The following FRMD4B variants were observed in gnomAD, a reference collection of about 807,000 sequenced individuals.
The protein encoded by FRMD4B is FERM domain containing 4B, also known as FERM domain-containing protein 4B.
FRMD4B carries 74 observed loss-of-function variants against 141.5 expected under a neutral mutation model. The ratio of observed to expected loss-of-function variants is 0.52; its 90% CI spans 0.43 to 0.63. The LOEUF (loss-of-function observed/expected upper bound fraction) is 0.63. Ranked by LOEUF, FRMD4B falls within the 30% of genes least tolerant of loss-of-function variation. The pLI is 0.00. For missense variants in FRMD4B, 1,366 were observed against 1,253.4 expected (o/e 1.09, Z -1.36); for synonymous variants, 506 against 467.9 (o/e 1.08, Z -1.05).
At chr3:69,494,162 G>A (rs367961503) in intron 1 of FRMD4B, among the ~76,000 whole-genome samples, 2 of 152,340 alleles carry the variant, frequency 1.3e-5, no homozygotes, top group East Asian at 1.9e-4. Flanking sequence ...TTATAGGCAT[G>A]AGCCACAGCA....
rs58549516 is a variant in FRMD4B, at chr3:69,256,113, T to TG, written c.502-6015dup. On this transcript the variant is annotated intron_variant, in intron 5 of 22. Transcript: ENST00000398540. ...CCTGTCCTTAAAAAAAATAAAAGGT[T>TG]GGGGGGGAGGGACTATTTGGATGCT... is the stretch of plus-strand genomic sequence containing the variant. Among the ~76,000 whole-genome samples, 275 of 151,194 alleles carry TG rather than the reference T, an allele frequency of 1.8e-3. 1 individual carries two copies. The highest frequency in any genetic ancestry group is 6.4e-3 in the African/African-American group (264 of 41,170).
chr3:69,536,126 G>A, intron 1 of FRMD4B: 1 of 489,542 alleles, frequency 2.0e-6, no homozygotes, highest in South Asian at 2.0e-5. Context: ...CTCTGTGGCT[G>A]CACCTGGCTT....
chr3:69,385,995 C>T lies in FRMD4B; in HGVS notation c.-6G>A. ...CACATGAACACCGAAGCCATGCCTCCTCCTTCGCTCTGAACCCGGGCGTCC... is the reference window on the plus strand; with the variant it reads ...CACATGAACACCGAAGCCATGCCTCTTCCTTCGCTCTGAACCCGGGCGTCC... On this transcript the variant is annotated 5_prime_UTR_variant, in exon 1 of 23. Coordinates refer to ENST00000398540, the MANE Select transcript of FRMD4B (RefSeq NM_015123.3). 1.3e-6 allele frequency: 2 copies of T among 1,576,878 alleles called. No individual in the cohort carries two copies. Among genetic ancestry groups the T allele is most frequent in the Non-Finnish European group, 1.7e-6 (2 of 1,157,854 alleles).
chr3:69,241,889 AAC>A (rs2093387202), intron 7 of FRMD4B, among the ~76,000 whole-genome samples: 1 of 151,644 alleles, frequency 6.6e-6, no homozygotes, highest in African/African-American at 2.4e-5. Context: ...AACAAAACAA[AAC>A]AAAACAAAAA....
At position 69,198,753 on chromosome 3, in the gene FRMD4B, C is replaced by T. The variant is rs1456870715; in HGVS notation, c.898G>A (p.Glu300Lys). Residue 300 changes from glutamate to lysine, a missense_variant, in exon 12 of 23, where the codon GAG (glutamate) becomes AAG (lysine). Transcript: ENST00000398540. ...TTTTTCTCACGGAAATATAAGTTCT[C>T]CAGCTGTTTCCATTGGAATAACTAA... Reference protein sequence around the residue: ...PRKLFQWKQLENLYFREKKFA... With the variant: ...PRKLFQWKQLKNLYFREKKFA... 1 of 1,546,340 alleles carries T rather than the reference C, an allele frequency of 6.5e-7. No individual in the cohort carries two copies. The highest frequency in any genetic ancestry group is 1.4e-5 in the African/African-American group (1 of 73,822).
chr3:69,495,647 G>A (rs1706370560), intron 1 of FRMD4B, among the ~76,000 whole-genome samples: 1 of 152,084 alleles, frequency 6.6e-6, no homozygotes, highest in African/African-American at 2.4e-5. Flanking sequence ...CTGTAAAATG[G>A]GCATAATTAA....
intron 8 of FRMD4B, among the ~76,000 whole-genome samples, 183 bp downstream of exon 8, chr3:69,224,424 T>C (rs1400505802): frequency 1.3e-5 from 2 of 152,196 alleles, no homozygotes; most frequent in African/African-American, 4.8e-5. Flanking sequence ...GGTACAATGA[T>C]CTCCAGTAAG....
chr3:69,312,156 A>G (rs942897558), intron 2 of FRMD4B, among the ~76,000 whole-genome samples: 2 of 152,210 alleles, frequency 1.3e-5, no homozygotes, highest in Non-Finnish European at 1.5e-5. Flanking sequence ...GCTGAGAAGA[A>G]GCATGGGCTT....
intron 5 of FRMD4B, among the ~76,000 whole-genome samples, chr3:69,279,781 T>TCTCCTC (rs144074081): frequency 1.4e-5 from 1 of 72,338 alleles, no homozygotes; most frequent in Non-Finnish European, 2.6e-5. Context: ...CCCCTCCTCC[T>TCTCCTC]CTCCTCCTCC....
chr3:69,450,685 C>T (rs1275979157), intron 1 of FRMD4B, among the ~76,000 whole-genome samples: 2 of 152,134 alleles, frequency 1.3e-5, no homozygotes, highest in East Asian at 1.9e-4. Context: ...ACCCAGGAGG[C>T]GGAAGTTGCA....
At chr3:69,234,668 AACAGTGAT>A (rs1223079995) in intron 7 of FRMD4B, among the ~76,000 whole-genome samples, 3 of 152,206 alleles carry the variant, frequency 2.0e-5, no homozygotes, top group Non-Finnish European at 4.4e-5. Context: ...AACAAAAGAA[AACAGTGAT>A]TATCATTGTA....
chr3:69,295,335 A>G (rs1701002742), intron 4 of FRMD4B, among the ~76,000 whole-genome samples: 1 of 152,150 alleles, frequency 6.6e-6, no homozygotes, highest in Non-Finnish European at 1.5e-5. Context: ...GTTATTGTTT[A>G]TTTTGAGACA....
intron 5 of FRMD4B, chr3:69,250,322 T>TGTG: frequency 1.4e-5 from 7 of 486,502 alleles, no homozygotes; most frequent in Admixed American, 3.6e-5. Context: ...TGTGTGTCTA[T>TGTG]TTTAAATAGC....
chr3:69,182,855 T>C (rs2092723161), intron 19 of FRMD4B, 138 bp from the exon 20 acceptor site: 2 of 784,542 alleles, frequency 2.5e-6, no homozygotes, highest in Middle Eastern at 3.6e-4. Flanking sequence ...AGTGTCTTTG[T>C]GGTTCACTAA....
intron 1 of FRMD4B, among the ~76,000 whole-genome samples, chr3:69,321,807 C>T (rs1330668495): frequency 2.0e-5 from 3 of 152,040 alleles, no homozygotes; most frequent in African/African-American, 4.8e-5. Context: ...CTTGACTTCC[C>T]CAACTTGAGT....
At chr3:69,535,826 C>A in intron 1 of FRMD4B, 1 of 473,264 alleles carries the variant, frequency 2.1e-6, no homozygotes, top group Admixed American at 2.3e-5. Context: ...GGCCCCTGGG[C>A]AGCTGCCCCT....
intron 3 of FRMD4B, among the ~76,000 whole-genome samples, chr3:69,305,331 C>T (rs1701358184): frequency 6.6e-6 from 1 of 152,150 alleles, no homozygotes; most frequent in Non-Finnish European, 1.5e-5. Flanking sequence ...TTCCAGCTTT[C>T]CTTGCAAGAA....
intron 1 of FRMD4B, among the ~76,000 whole-genome samples, chr3:69,436,435 A>T (rs942056432): frequency 6.6e-6 from 1 of 152,208 alleles, no homozygotes; most frequent in African/African-American, 2.4e-5. Context: ...GAATGAAAGG[A>T]AAATAAGAAG....
At chr3:69,189,245 A>AAAAAAAAG (rs1553696997) in intron 18 of FRMD4B, among the ~76,000 whole-genome samples, 1 of 149,054 alleles carries the variant, frequency 6.7e-6, no homozygotes, top group African/African-American at 2.5e-5. Context: ...AAAAAAAAAA[A>AAAAAAAAG]AGAGAGAGAG....
Sources: gnomAD v4.1 joint callset for allele counts (sites outside exome capture counted in the v4.1 genomes callset) on GRCh38, gnomAD v4.1.1 for gene constraint, MANE v1.5 for transcripts, NCBI Gene and HGNC (gene_info 2026-07-23, HGNC 2026-07-21) for gene names.